SPTLC3: variants seen among roughly 807,000 people sequenced by gnomAD.
SPTLC3 encodes the protein serine palmitoyltransferase 3.
In SPTLC3, 36 loss-of-function variants were observed where a neutral mutation model predicts 59.3. That is an observed-to-expected ratio of 0.61 (90% CI 0.47 to 0.80). SPTLC3 has a LOEUF of 0.80. Among genes scored for constraint, SPTLC3 ranks in the 30% least tolerant of loss-of-function variants. The pLI is 0.00. For missense variants in SPTLC3, 625 were observed against 685.1 expected (o/e 0.91, Z 0.98); for synonymous variants, 257 against 240.8 (o/e 1.07, Z -0.62).
chr20:13,104,334 C>T (rs1199670548), intron 6 of SPTLC3, among the ~76,000 whole-genome samples: 4 of 152,186 alleles, frequency 2.6e-5, no homozygotes, highest in South Asian at 2.1e-4. Context: ...ATTATGGGGG[C>T]GGTTCCCCCT....
intron 9 of SPTLC3, chr20:13,133,082 T>A (rs910081535): frequency 6.6e-6 from 1 of 152,356 alleles, no homozygotes; most frequent in Non-Finnish European, 1.5e-5. Context: ...AAGACTGTCT[T>A]CGTTGTAGAG....
chr20:13,159,348 T>C (rs1346939789), intron 10 of SPTLC3, among the ~76,000 whole-genome samples: 2 of 152,186 alleles, frequency 1.3e-5, no homozygotes. Context: ...CTGAGTTTAT[T>C]ATCCCTGTGC....
At chr20:13,019,883 G>A (rs1568565482) in intron 1 of SPTLC3, among the ~76,000 whole-genome samples, 1 of 152,178 alleles carries the variant, frequency 6.6e-6, no homozygotes, top group Non-Finnish European at 1.5e-5. Flanking sequence ...TCTTGTGGTT[G>A]TGAGTCTTTT....
chr20:13,055,576 A>G (rs1220097574), intron 2 of SPTLC3, among the ~76,000 whole-genome samples: 1 of 152,244 alleles, frequency 6.6e-6, no homozygotes, highest in Non-Finnish European at 1.5e-5. Context: ...TTAGGCTTCA[A>G]ATCTACAATC....
chr20:13,113,173 A>G (rs1600301114), intron 7 of SPTLC3, among the ~76,000 whole-genome samples: 1 of 152,106 alleles, frequency 6.6e-6, no homozygotes, highest in East Asian at 1.9e-4. Context: ...ACAGAGAGAG[A>G]CTCTGTCTCA....
intron 2 of SPTLC3, among the ~76,000 whole-genome samples, chr20:13,052,049 AG>A (rs1429074589): frequency 9.9e-5 from 15 of 152,264 alleles, no homozygotes; most frequent in Admixed American, 2.6e-4. Flanking sequence ...ACGCAAACCC[AG>A]CAGAAGAAAG....
At chr20:13,098,849 T>C (rs1402422630) in intron 6 of SPTLC3, among the ~76,000 whole-genome samples, 2 of 152,156 alleles carry the variant, frequency 1.3e-5, no homozygotes, top group Non-Finnish European at 2.9e-5. Context: ...ATACAACTGA[T>C]TAATAGTGAA....
chr20:13,016,680 C>T (rs1985542583), intron 1 of SPTLC3, among the ~76,000 whole-genome samples: 1 of 152,032 alleles, frequency 6.6e-6, no homozygotes, highest in Non-Finnish European at 1.5e-5. Flanking sequence ...TCTAAGGTAT[C>T]AATAATATAC....
intron 8 of SPTLC3, among the ~76,000 whole-genome samples, chr20:13,125,675 C>T (rs573055461): frequency 4.6e-5 from 7 of 152,324 alleles, no homozygotes; most frequent in African/African-American, 1.4e-4. Context: ...AATGGTCCTT[C>T]TCTGTTCCAC....
At chr20:13,152,954 C>A (rs1172316052) in intron 9 of SPTLC3, among the ~76,000 whole-genome samples, 2 of 152,196 alleles carry the variant, frequency 1.3e-5, no homozygotes, top group African/African-American at 2.4e-5. Context: ...TATTGTATAA[C>A]CTCTAGAGCA....
intron 10 of SPTLC3, among the ~76,000 whole-genome samples, chr20:13,158,872 G>A (rs760062472): frequency 5.3e-5 from 8 of 152,200 alleles, no homozygotes; most frequent in African/African-American, 1.9e-4. Flanking sequence ...CTCCACGTCT[G>A]GTTCAAGAAT....
intron 1 of SPTLC3, 23 bp downstream of exon 1, chr20:13,009,407 C>T: frequency 5.1e-6 from 8 of 1,582,100 alleles, no homozygotes; most frequent in Non-Finnish European, 6.9e-6. Flanking sequence ...CTCCCCTACT[C>T]TTCTCTGAAT....
chr20:13,049,207 T>C, intron 2 of SPTLC3, 77 bp downstream of exon 2: 1 of 1,518,884 alleles, frequency 6.6e-7, no homozygotes, highest in Non-Finnish European at 9.1e-7. Context: ...GTGATGCAGG[T>C]GCAGATCCTA....
intron 7 of SPTLC3, among the ~76,000 whole-genome samples, chr20:13,112,662 C>T (rs1036008084): frequency 3.9e-5 from 6 of 152,172 alleles, no homozygotes; most frequent in African/African-American, 1.4e-4. Flanking sequence ...CAAGAAAGTT[C>T]CTTTCATTTC....
intron 4 of SPTLC3, among the ~76,000 whole-genome samples, chr20:13,079,060 T>A (rs11697759): frequency 2.0e-5 from 3 of 151,986 alleles, no homozygotes; most frequent in Non-Finnish European, 4.4e-5. Flanking sequence ...TAAACTTATT[T>A]TGAAGATGTT....
At chr20:13,089,340 C>T (rs562526454) in intron 4 of SPTLC3, among the ~76,000 whole-genome samples, 1 of 152,202 alleles carries the variant, frequency 6.6e-6, no homozygotes, top group African/African-American at 2.4e-5. Flanking sequence ...GAAAGCACTG[C>T]TCAATAAAAA....
At chr20:13,020,276 A>G (rs1390211138) in intron 1 of SPTLC3, among the ~76,000 whole-genome samples, 1 of 151,956 alleles carries the variant, frequency 6.6e-6, no homozygotes, top group Non-Finnish European at 1.5e-5. Flanking sequence ...CTTTTGGAGG[A>G]CAAGGAAGGA....
intron 1 of SPTLC3, among the ~76,000 whole-genome samples, chr20:13,013,158 T>A (rs1037565483): frequency 6.6e-6 from 1 of 152,196 alleles, no homozygotes; most frequent in African/African-American, 2.4e-5. Context: ...AGAGAAAGGA[T>A]TAAGCCACAT....
chr20:13,027,188 G>T (rs1986191390), intron 1 of SPTLC3, among the ~76,000 whole-genome samples: 2 of 152,124 alleles, frequency 1.3e-5, no homozygotes, highest in Admixed American at 6.6e-5. Flanking sequence ...CTTTTATACA[G>T]GTTTGCTTCT....
Sources: allele counts gnomAD v4.1 joint callset (sites outside exome capture counted in the v4.1 genomes callset), GRCh38; gene constraint gnomAD v4.1.1; transcripts MANE v1.5; gene names NCBI Gene and HGNC (gene_info 2026-07-23, HGNC 2026-07-21).